PID1: variants seen among roughly 807,000 people sequenced by gnomAD.
The protein encoded by PID1 is PTB-containing, cubilin and LRP1-interacting protein.
Under a neutral mutation model 19.1 loss-of-function variants are expected in PID1, and 10 were observed. The observed-to-expected ratio is 0.52, with a 90% CI of 0.32 to 0.89. PID1 has a LOEUF of 0.89. PID1 is among the 40% of genes least tolerant of loss of function. PID1 has a pLI of 0.03. For synonymous variants in PID1, 130 were observed against 116.0 expected, an observed-to-expected ratio of 1.12 and a Z score of -0.78; for missense variants, 248 against 285.3, an observed-to-expected ratio of 0.87 and a Z score of 0.94.
At chr2:229,189,151 T>C (rs115164327) in intron 1 of PID1, among the ~76,000 whole-genome samples, 3,484 of 152,326 alleles carry the variant, frequency 0.023, 127 homozygotes, top group African/African-American at 0.079. Context: ...GTATAGATTG[T>C]TCTTGCAAAA....
chr2:229,067,581 T>C (rs776925426), intron 2 of PID1, among the ~76,000 whole-genome samples: 2 of 152,076 alleles, frequency 1.3e-5, no homozygotes, highest in Non-Finnish European at 2.9e-5. Context: ...GCCATGCTGT[T>C]CTAACTGGTC....
At chr2:229,112,712 T>C (rs1695323028) in intron 2 of PID1, among the ~76,000 whole-genome samples, 1 of 152,160 alleles carries the variant, frequency 6.6e-6, no homozygotes, top group Admixed American at 6.5e-5. Flanking sequence ...CGCAAACTCC[T>C]GAGCTCAGGC....
intron 1 of PID1, among the ~76,000 whole-genome samples, chr2:229,252,414 C>T (rs557837809): frequency 6.6e-6 from 1 of 152,188 alleles, no homozygotes; most frequent in Non-Finnish European, 1.5e-5. Context: ...GTTTCATCAA[C>T]TGCTTGCCTA....
intron 2 of PID1, among the ~76,000 whole-genome samples, chr2:229,084,647 A>G (rs1694730089): frequency 6.6e-6 from 1 of 152,200 alleles, no homozygotes; most frequent in African/African-American, 2.4e-5. Context: ...AAAGCAGCCA[A>G]CTTTCAACCA....
At position 229,028,713 on chromosome 2, in the gene PID1, G is replaced by A. The variant is rs540974421; in HGVS notation, c.178-2605C>T. 5.9e-5 allele frequency among the ~76,000 whole-genome samples: 9 copies of A among 152,222 alleles called. No homozygotes were observed. The South Asian group carries it at 1.2e-3, about 21-fold the overall frequency. ...AAAAGAACAAAATCACGTCCTTTGC[G>A]ACAACATGGACATAGCTGGAGGCCA... is the stretch of plus-strand genomic sequence containing the variant. On this transcript the variant is annotated intron_variant, in intron 2 of 2. Coordinates refer to ENST00000392055, the MANE Select transcript of PID1 (RefSeq NM_001100818.2).
At chr2:229,166,178 A>G (rs1690593063) in intron 1 of PID1, among the ~76,000 whole-genome samples, 2 of 152,236 alleles carry the variant, frequency 1.3e-5, no homozygotes, top group Admixed American at 1.3e-4. Flanking sequence ...AACATAAATT[A>G]TAAAACAATT....
At chr2:229,096,230 GA>G (rs1277096148) in intron 2 of PID1, among the ~76,000 whole-genome samples, 2 of 152,078 alleles carry the variant, frequency 1.3e-5, no homozygotes, top group African/African-American at 4.8e-5. Flanking sequence ...TTTCACTTTG[GA>G]AAAAAATGTG....
At chr2:229,268,955 A>G (rs1447781167) in intron 1 of PID1, among the ~76,000 whole-genome samples, 1 of 152,220 alleles carries the variant, frequency 6.6e-6, no homozygotes, top group Non-Finnish European at 1.5e-5. Context: ...GCAAAAGTAA[A>G]AACATATAAA....
intron 1 of PID1, among the ~76,000 whole-genome samples, chr2:229,179,129 C>CATGAT (rs1198919217): frequency 6.6e-6 from 1 of 152,140 alleles, no homozygotes; most frequent in East Asian, 1.9e-4. Context: ...AAATCTTACC[C>CATGAT]CTCATGATCT....
intron 2 of PID1, among the ~76,000 whole-genome samples, chr2:229,070,773 TG>T (rs1446898108): frequency 1.3e-5 from 2 of 152,042 alleles, no homozygotes; most frequent in Non-Finnish European, 2.9e-5. Context: ...GATTAGAGGG[TG>T]GGATGAGGAT....
intron 1 of PID1, among the ~76,000 whole-genome samples, chr2:229,159,168 G>A (rs2106198847): frequency 6.6e-6 from 1 of 152,272 alleles, no homozygotes; most frequent in Non-Finnish European, 1.5e-5. Flanking sequence ...ATTGTGCGTT[G>A]CATGCCTGAA....
intron 1 of PID1, among the ~76,000 whole-genome samples, chr2:229,231,469 C>T (rs1363385803): frequency 3.3e-5 from 5 of 152,028 alleles, no homozygotes; most frequent in Non-Finnish European, 7.4e-5. Context: ...ATGTCTCCCA[C>T]TTACTTAATA....
intron 2 of PID1, among the ~76,000 whole-genome samples, chr2:229,128,935 G>A (rs1188296642): frequency 1.3e-5 from 2 of 152,078 alleles, no homozygotes; most frequent in Non-Finnish European, 2.9e-5. Flanking sequence ...TCGAGGGGAT[G>A]GATACCCCAT....
chr2:229,052,729 C>A (rs1023237694), intron 2 of PID1, among the ~76,000 whole-genome samples: 1 of 151,956 alleles, frequency 6.6e-6, no homozygotes, highest in East Asian at 1.9e-4. Context: ...AAAAAATGGC[C>A]TGAAAACTAC....
intron 2 of PID1, among the ~76,000 whole-genome samples, chr2:229,089,249 T>A (rs1443518104): frequency 6.6e-6 from 1 of 152,202 alleles, no homozygotes; most frequent in African/African-American, 2.4e-5. Flanking sequence ...ATTGGTAAAG[T>A]TCTCTATATT....
chr2:229,033,260 C>A (rs758634070), intron 2 of PID1, among the ~76,000 whole-genome samples: 5 of 152,166 alleles, frequency 3.3e-5, no homozygotes, highest in Non-Finnish European at 7.3e-5. Flanking sequence ...AGAACCCAAG[C>A]ACCTGCTTTC....
intron 1 of PID1, among the ~76,000 whole-genome samples, chr2:229,228,853 T>A (rs945606347): frequency 1.3e-5 from 2 of 152,226 alleles, no homozygotes; most frequent in African/African-American, 4.8e-5. Context: ...AAGAGATACT[T>A]CTAGCTTAAG....
At chr2:229,041,741 G>T (rs1184573046) in intron 2 of PID1, among the ~76,000 whole-genome samples, 1 of 152,124 alleles carries the variant, frequency 6.6e-6, no homozygotes, top group Non-Finnish European at 1.5e-5. Context: ...ACACTGTGAA[G>T]AATTCAACAT....
At chr2:229,095,632 C>G (rs13406033) in intron 2 of PID1, among the ~76,000 whole-genome samples, 23,394 of 151,920 alleles carry the variant, frequency 0.15, 2,005 homozygotes, top group African/African-American at 0.22. Context: ...TATCAGAAAC[C>G]ATTCATACAA....
Sources: gnomAD v4.1 joint callset for allele counts (sites outside exome capture counted in the v4.1 genomes callset) on GRCh38, gnomAD v4.1.1 for gene constraint, MANE v1.5 for transcripts, NCBI Gene and HGNC (gene_info 2026-07-23, HGNC 2026-07-21) for gene names.